TLN2: variants seen among roughly 807,000 people sequenced by gnomAD.
The protein encoded by TLN2 is talin-2.
In TLN2, 118 loss-of-function variants were observed where a neutral mutation model predicts 294.7. The ratio of observed to expected loss-of-function variants is 0.40; its 90% CI spans 0.34 to 0.47. TLN2 has a LOEUF of 0.47. Ranked by LOEUF, TLN2 falls within the 20% of genes least tolerant of loss-of-function variation. The pLI is 0.84. For missense variants in TLN2, 3,083 were observed against 3,282.2 expected (o/e 0.94, Z 1.48); for synonymous variants, 1,431 against 1,304.5 (o/e 1.10, Z -2.09).
intron 3 of TLN2, among the ~76,000 whole-genome samples, chr15:62,629,535 T>C (rs779189137): frequency 1.2e-4 from 19 of 152,210 alleles, no homozygotes; most frequent in Non-Finnish European, 2.4e-4. Context: ...TGTGTTGATG[T>C]CTGTTAGTTT....
At chr15:62,403,721 T>G (rs370072450) in intron 1 of TLN2, among the ~76,000 whole-genome samples, 4 of 152,320 alleles carry the variant, frequency 2.6e-5, no homozygotes, top group South Asian at 4.2e-4. Context: ...GCTCCATGCT[T>G]CTTGCTGGAT....
At position 62,437,389 on chromosome 15, in the gene TLN2, A is replaced by G. The variant is rs1450177118; in HGVS notation, c.-238+46704A>G. ...GAGGCCAGGTCAGCTAGCTGGGACTATAAGTGCGAGCCACCACACCTGACC... is the reference window on the plus strand; with the variant it reads ...GAGGCCAGGTCAGCTAGCTGGGACTGTAAGTGCGAGCCACCACACCTGACC... On this transcript the variant is annotated intron_variant, in intron 1 of 58. Coordinates refer to ENST00000636159, the MANE Select transcript of TLN2 (RefSeq NM_015059.3). Among the ~76,000 whole-genome samples the G allele has an allele frequency of 2.0e-5, 3 of 151,774 alleles. No homozygotes were observed. The East Asian group carries it at 5.8e-4, about 29-fold the overall frequency.
intron 3 of TLN2, among the ~76,000 whole-genome samples, chr15:62,640,924 C>T (rs1211045745): frequency 6.6e-6 from 1 of 152,092 alleles, no homozygotes; most frequent in African/African-American, 2.4e-5. Flanking sequence ...GCCTCAGCCT[C>T]CTGGGTGGCT....
intron 2 of TLN2, among the ~76,000 whole-genome samples, chr15:62,618,062 G>C (rs534642309): frequency 6.6e-6 from 1 of 150,936 alleles, no homozygotes; most frequent in African/African-American, 2.4e-5. Flanking sequence ...GCCTCTCAAC[G>C]TGTTGAGATT....
chr15:62,619,394 A>G (rs2048579971), intron 3 of TLN2, among the ~76,000 whole-genome samples: 1 of 152,224 alleles, frequency 6.6e-6, no homozygotes. Context: ...TGAGAGCTAT[A>G]TAGATGGCAT....
intron 1 of TLN2, among the ~76,000 whole-genome samples, chr15:62,422,338 C>T (rs550737492): frequency 7.9e-5 from 12 of 151,334 alleles, no homozygotes; most frequent in Admixed American, 3.3e-4. Context: ...GTGCAGATGT[C>T]GTGGATGGAG....
intron 1 of TLN2, among the ~76,000 whole-genome samples, chr15:62,438,606 T>C (rs1323460293): frequency 6.6e-6 from 1 of 152,052 alleles, no homozygotes; most frequent in Non-Finnish European, 1.5e-5. Context: ...AAGAGGGAAG[T>C]AGGGAGGTAG....
At chr15:62,575,605 AACACAC>A (rs147438095) in intron 1 of TLN2, among the ~76,000 whole-genome samples, 1 of 149,990 alleles carries the variant, frequency 6.7e-6, no homozygotes, top group Non-Finnish European at 1.5e-5. Flanking sequence ...TCACTTAAAA[AACACAC>A]ACACACACAC....
At chr15:62,681,840 G>C (rs1427669953) in intron 11 of TLN2, among the ~76,000 whole-genome samples, 1 of 152,100 alleles carries the variant, frequency 6.6e-6, no homozygotes, top group African/African-American at 2.4e-5. Context: ...ACCCAGTCTG[G>C]AATGTAGTGG....
At chr15:62,490,223 A>G (rs185599598) in intron 1 of TLN2, among the ~76,000 whole-genome samples, 100 of 152,120 alleles carry the variant, frequency 6.6e-4, no homozygotes, top group Admixed American at 1.3e-3. Context: ...TATATTAACC[A>G]CTTCCCTCCC....
At chr15:62,457,220 G>A (rs188874392) in intron 1 of TLN2, among the ~76,000 whole-genome samples, 103 of 152,350 alleles carry the variant, frequency 6.8e-4, no homozygotes, top group African/African-American at 2.3e-3. Flanking sequence ...TTTACAGGCA[G>A]CTGCCTTCTG....
In TLN2 at chr15:62,839,808, G is replaced by A. The variant is rs571125600; in HGVS notation, c.7501-674G>A. Among the ~76,000 whole-genome samples, 76 of 152,362 alleles carry A rather than the reference G, an allele frequency of 5.0e-4. 1 individual carries two copies. In the South Asian group the frequency reaches 0.015, roughly 31 times the overall value. On this transcript the variant is annotated intron_variant, in intron 58 of 58. Transcript: ENST00000636159. ...CTAATTTCATGAGAAGTTTCACAGA[G>A]AAGGGGCTCTGATCAAATAACACTG...
At chr15:62,598,551 A>G (rs1424775488) in intron 2 of TLN2, among the ~76,000 whole-genome samples, 1 of 151,714 alleles carries the variant, frequency 6.6e-6, no homozygotes, top group Non-Finnish European at 1.5e-5. Flanking sequence ...CTCTTACCCA[A>G]CCCTGCTGGT....
chr15:62,625,726 T>G (rs189193140), intron 3 of TLN2, among the ~76,000 whole-genome samples: 1 of 152,320 alleles, frequency 6.6e-6, no homozygotes, highest in Admixed American at 6.5e-5. Context: ...ACCTGTCTTT[T>G]TAGAGAATAA....
At chr15:62,629,816 T>A (rs2049614349) in intron 3 of TLN2, among the ~76,000 whole-genome samples, 1 of 152,218 alleles carries the variant, frequency 6.6e-6, no homozygotes, top group Admixed American at 6.5e-5. Context: ...TAAATTATTT[T>A]AAAATAAGTA....
chr15:62,435,682 C>T (rs1385590558), intron 1 of TLN2, among the ~76,000 whole-genome samples: 1 of 152,166 alleles, frequency 6.6e-6, no homozygotes, highest in Non-Finnish European at 1.5e-5. Flanking sequence ...GCTGGGATTA[C>T]AGGCGCCTAC....
intron 1 of TLN2, among the ~76,000 whole-genome samples, chr15:62,466,229 G>C (rs934236030): frequency 2.0e-5 from 3 of 152,198 alleles, no homozygotes; most frequent in African/African-American, 7.2e-5. Context: ...TAGTGACAAT[G>C]AACCAGAGAC....
chr15:62,677,821 T>TTTTTTTTTTTTTTTA lies in TLN2; in HGVS notation c.957+2500_957+2501insTTTTTTTTTTTTTTA, dbSNP rs2056398477. On this transcript the variant is annotated intron_variant, in intron 11 of 58. Transcript: ENST00000636159. ...GCACTTGCAACTTTTTTTTTTTTTT[T>TTTTTTTTTTTTTTTA]GAGACGGAGATTCACCCAGGCTAGA... 1.1e-4 allele frequency among the ~76,000 whole-genome samples: 16 copies of TTTTTTTTTTTTTTTA among 146,198 alleles called. 1 individual carries two copies. The highest frequency in any genetic ancestry group is 1.0e-4 in the African/African-American group (4 of 39,864).
At chr15:62,683,402 C>T (rs559620812) in intron 11 of TLN2, among the ~76,000 whole-genome samples, 41 of 152,168 alleles carry the variant, frequency 2.7e-4, no homozygotes, top group Non-Finnish European at 5.3e-4. Context: ...ATTAGCGAAT[C>T]CTGCCTCTCA....
Sources: gnomAD v4.1 joint callset for allele counts (sites outside exome capture counted in the v4.1 genomes callset) on GRCh38, gnomAD v4.1.1 for gene constraint, MANE v1.5 for transcripts, NCBI Gene and HGNC (gene_info 2026-07-23, HGNC 2026-07-21) for gene names.